CMSS1: variants seen among roughly 807,000 people sequenced by gnomAD.
CMSS1 encodes protein CMSS1.
CMSS1 carries 33 observed loss-of-function variants against 43.5 expected under a neutral mutation model. The ratio of observed to expected loss-of-function variants is 0.76; its 90% CI spans 0.57 to 1.01. The LOEUF (loss-of-function observed/expected upper bound fraction) is 1.01, where lower values mean the gene tolerates loss of function less well. Among genes scored for constraint, CMSS1 ranks in the 50% least tolerant of loss-of-function variants. CMSS1 has a pLI of 0.00. For synonymous variants in CMSS1, 115 were observed against 117.2 expected (o/e 0.98, Z 0.12); for missense variants, 313 against 326.4 (o/e 0.96, Z 0.32).
Position 99,881,525 on chromosome 3 carries a change from ATCTC to A in CMSS1, c.64+63492_64+63495del, listed in dbSNP as rs376739497. 4.5e-3 allele frequency among the ~76,000 whole-genome samples: 673 copies of A among 148,194 alleles called. 6 individuals are homozygous for A. Among genetic ancestry groups the A allele is most frequent in the African/African-American group, 0.016 (659 of 40,582 alleles). ...GACCTTGTCATATAATTTGTAGCCC[ATCTC>A]TCTCTCTCTTTTTTTTTTTTTGAGA... is the stretch of plus-strand genomic sequence containing the variant. On this transcript the variant is annotated intron_variant, in intron 1 of 9. Coordinates refer to ENST00000421999, the MANE Select transcript of CMSS1 (RefSeq NM_032359.4).
At chr3:100,054,500 A>ATGTT (rs1413279337) in intron 1 of CMSS1, among the ~76,000 whole-genome samples, 1 of 131,170 alleles carries the variant, frequency 7.6e-6, no homozygotes, top group African/African-American at 2.7e-5. Flanking sequence ...TTGTTATGTT[A>ATGTT]TGTTATGTTA....
intron 1 of CMSS1, among the ~76,000 whole-genome samples, chr3:100,080,904 C>A (rs1356884764): frequency 6.6e-6 from 1 of 152,160 alleles, no homozygotes; most frequent in Non-Finnish European, 1.5e-5. Context: ...TTGAAACCAG[C>A]CCATGGTTCT....
intron 1 of CMSS1, among the ~76,000 whole-genome samples, chr3:99,842,677 A>G (rs1485943079): frequency 1.3e-5 from 2 of 152,226 alleles, no homozygotes; most frequent in Admixed American, 1.3e-4. Context: ...AATTTTGACA[A>G]TGAAATTTTA....
intron 2 of CMSS1, 150 bp downstream of exon 2, chr3:100,147,211 C>T (rs2066860150): frequency 1.5e-6 from 1 of 679,800 alleles, no homozygotes; most frequent in Non-Finnish European, 2.2e-6. Flanking sequence ...GGCCATGGGC[C>T]ATGCTTCCTT....
intron 1 of CMSS1, among the ~76,000 whole-genome samples, chr3:100,119,946 G>A (rs2107490610): frequency 6.6e-6 from 1 of 152,308 alleles, no homozygotes; most frequent in Middle Eastern, 3.4e-3. Context: ...CTGGTATAAT[G>A]AGGGGAGCCT....
At chr3:99,882,078 A>G (rs1459627815) in intron 1 of CMSS1, among the ~76,000 whole-genome samples, 1 of 152,214 alleles carries the variant, frequency 6.6e-6, no homozygotes, top group Non-Finnish European at 1.5e-5. Flanking sequence ...TTGGAACTCA[A>G]ATAGAGCAAT....
chr3:100,005,502 A>G (rs1709962449), intron 1 of CMSS1, among the ~76,000 whole-genome samples: 1 of 152,252 alleles, frequency 6.6e-6, no homozygotes, highest in Non-Finnish European at 1.5e-5. Context: ...GAGAATTCTT[A>G]TGAAGTCTAG....
At chr3:100,139,382 T>C (rs1264632188) in intron 1 of CMSS1, among the ~76,000 whole-genome samples, 1 of 151,632 alleles carries the variant, frequency 6.6e-6, no homozygotes, top group Non-Finnish European at 1.5e-5. Context: ...TTTTAATTGA[T>C]TAAAAATCCA....
chr3:100,124,110 A>G (rs1289781749), intron 1 of CMSS1, among the ~76,000 whole-genome samples: 1 of 152,222 alleles, frequency 6.6e-6, no homozygotes, highest in Non-Finnish European at 1.5e-5. Context: ...ACTCTCCGCT[A>G]GAATAAAAGG....
At chr3:100,038,675 C>A (rs1435900490) in intron 1 of CMSS1, among the ~76,000 whole-genome samples, 2 of 152,094 alleles carry the variant, frequency 1.3e-5, no homozygotes, top group African/African-American at 4.8e-5. Flanking sequence ...TTGTTTCTTT[C>A]TTTTTAAAGG....
chr3:99,850,098 T>C (rs1386904945), intron 1 of CMSS1: 2 of 1,613,188 alleles, frequency 1.2e-6, no homozygotes, highest in African/African-American at 1.3e-5. Flanking sequence ...TTTGCTCCAC[T>C]TGAAGCTGAG....
intron 1 of CMSS1, among the ~76,000 whole-genome samples, chr3:99,835,719 G>T (rs2107494061): frequency 6.6e-6 from 1 of 152,290 alleles, no homozygotes; most frequent in East Asian, 1.9e-4. Context: ...GCTGATTCTT[G>T]CTTTTGAGAT....
chr3:100,079,121 T>G (rs1353888199), intron 1 of CMSS1, among the ~76,000 whole-genome samples: 1 of 152,080 alleles, frequency 6.6e-6, no homozygotes. Flanking sequence ...AATCCAGGCC[T>G]CTCTCCCCAG....
At chr3:99,945,864 C>T (rs972598400) in intron 1 of CMSS1, among the ~76,000 whole-genome samples, 5 of 152,310 alleles carry the variant, frequency 3.3e-5, no homozygotes, top group Admixed American at 2.6e-4. Context: ...TTATGCGAAA[C>T]CTCTTGTCAC....
At chr3:99,864,485 T>G (rs1416370014) in intron 1 of CMSS1, among the ~76,000 whole-genome samples, 2 of 152,138 alleles carry the variant, frequency 1.3e-5, no homozygotes, top group Non-Finnish European at 2.9e-5. Context: ...ACAGTACAGG[T>G]AACAGACCAG....
At chr3:100,098,643 G>C (rs1263554297) in intron 1 of CMSS1, among the ~76,000 whole-genome samples, 2 of 152,164 alleles carry the variant, frequency 1.3e-5, no homozygotes, top group Non-Finnish European at 2.9e-5. Flanking sequence ...CCCTACTGGA[G>C]TATAAGTACC....
intron 1 of CMSS1, among the ~76,000 whole-genome samples, chr3:100,080,965 A>T (rs989897839): frequency 1.3e-5 from 2 of 152,224 alleles, no homozygotes; most frequent in Non-Finnish European, 2.9e-5. Context: ...CTGTGTTTGC[A>T]GAAGATAAAA....
intron 1 of CMSS1, among the ~76,000 whole-genome samples, chr3:99,932,230 T>C (rs1707504825): frequency 6.6e-6 from 1 of 152,220 alleles, no homozygotes; most frequent in Admixed American, 6.5e-5. Flanking sequence ...TTGGTATTTA[T>C]CATTCCCCTG....
chr3:99,833,094 C>G, intron 1 of CMSS1: 1 of 718,678 alleles, frequency 1.4e-6, no homozygotes. Flanking sequence ...TGGGTTTCAT[C>G]AAAGAGCAGA....
Sources: allele counts gnomAD v4.1 joint callset (sites outside exome capture counted in the v4.1 genomes callset), GRCh38; gene constraint gnomAD v4.1.1; transcripts MANE v1.5; gene names NCBI Gene and HGNC (gene_info 2026-07-23, HGNC 2026-07-21).